The following SARNP variants were observed in gnomAD, a reference collection of about 807,000 sequenced individuals.
The protein encoded by SARNP is SAP domain containing ribonucleoprotein, also known as SAP domain-containing ribonucleoprotein.
Under a neutral mutation model 38.1 loss-of-function variants are expected in SARNP, and 5 were observed. The ratio of observed to expected loss-of-function variants is 0.13; its 90% confidence interval spans 0.07 to 0.28. The LOEUF (loss-of-function observed/expected upper bound fraction) is 0.28. SARNP is among the 10% of genes least tolerant of loss of function. The probability of loss-of-function intolerance (pLI) is 1.00; values close to 1 mark genes in which losing one functional copy is unlikely to be tolerated. For missense variants in SARNP, 180 were observed against 243.9 expected, an observed-to-expected ratio of 0.74 and a Z score of 1.75; for synonymous variants, 84 against 80.6, an observed-to-expected ratio of 1.04 and a Z score of -0.23.
chr12:55,807,769 G>A (rs1383019042), intron 1 of SARNP, among the ~76,000 whole-genome samples: 7 of 150,082 alleles, frequency 4.7e-5, no homozygotes, highest in South Asian at 2.1e-4. Context: ...AGCCGAGATC[G>A]TGCCACTGTA....
chr12:55,761,158 AGAGT>A (rs1401964646), intron 9 of SARNP, among the ~76,000 whole-genome samples: 3 of 152,194 alleles, frequency 2.0e-5, no homozygotes, highest in Non-Finnish European at 2.9e-5. Context: ...CCTGGGTGAC[AGAGT>A]GAGACTCTGT....
chr12:55,800,436 A>T (rs1016285236), intron 4 of SARNP, 126 bp downstream of exon 4: 53 of 671,176 alleles, frequency 7.9e-5, no homozygotes, highest in Middle Eastern at 5.7e-4. Context: ...AAAAAACAAA[A>T]AAATGACCTA....
At chr12:55,753,770 C>CAAAAAAA (rs35350773), downstream of SARNP, 3 of 51,118 alleles carry the variant, frequency 5.9e-5, no homozygotes, top group African/African-American at 2.6e-4. Flanking sequence ...CTCCCATCTC[C>CAAAAAAA]AAAAAAAAAA....
chr12:55,755,303 C>T (rs895949089), downstream of SARNP: 1 of 148,712 alleles, frequency 6.7e-6, no homozygotes, highest in African/African-American at 2.5e-5. Context: ...CCTCTATCTT[C>T]AGCAGTTCTT....
intron 1 of SARNP, 150 bp downstream of exon 1, chr12:55,817,516 T>C (rs1045234059): frequency 3.0e-6 from 2 of 662,042 alleles, no homozygotes; most frequent in Non-Finnish European, 5.3e-6. Context: ...GAAGGCGTAG[T>C]GTGGAAGGGT....
intron 9 of SARNP, among the ~76,000 whole-genome samples, chr12:55,771,412 A>C (rs1436774336): frequency 6.6e-6 from 1 of 152,210 alleles, no homozygotes; most frequent in African/African-American, 2.4e-5. Context: ...TTCAAATAAG[A>C]AACATCGTTA....
intron 4 of SARNP, among the ~76,000 whole-genome samples, chr12:55,800,006 A>G (rs949008380): frequency 2.6e-5 from 4 of 151,886 alleles, no homozygotes; most frequent in African/African-American, 9.7e-5. Context: ...CCTGGCCAAC[A>G]TGGTAAAACC....
intron 9 of SARNP, among the ~76,000 whole-genome samples, chr12:55,786,984 C>T (rs1879514854): frequency 1.3e-5 from 2 of 151,908 alleles, no homozygotes; most frequent in Non-Finnish European, 2.9e-5. Flanking sequence ...TAGTCCGGCA[C>T]TTTGGGAGGC....
chr12:55,796,291 GC>G (rs745324044), intron 4 of SARNP, among the ~76,000 whole-genome samples: 1 of 152,128 alleles, frequency 6.6e-6, no homozygotes, highest in Non-Finnish European at 1.5e-5. Flanking sequence ...AGCTTCTTTA[GC>G]TAAAGTATAA....
chr12:55,810,800 G>A (rs1880304297), intron 1 of SARNP, among the ~76,000 whole-genome samples: 1 of 151,860 alleles, frequency 6.6e-6, no homozygotes, highest in Non-Finnish European at 1.5e-5. Flanking sequence ...ACGTTGGCCA[G>A]GCGCGGTGGC....
intron 1 of SARNP, among the ~76,000 whole-genome samples, chr12:55,807,337 G>A (rs569583207): frequency 1.3e-5 from 2 of 152,128 alleles, no homozygotes; most frequent in Admixed American, 6.5e-5. Context: ...TGTGAACCAC[G>A]CCTTAAGTAA....
intron 9 of SARNP, among the ~76,000 whole-genome samples, chr12:55,778,442 G>T (rs1242527027): frequency 2.0e-5 from 3 of 152,084 alleles, no homozygotes; most frequent in Non-Finnish European, 4.4e-5. Flanking sequence ...CCACTGTGCT[G>T]ACCTGTTTCC....
chr12:55,782,730 GCATGTGCCAC>G (rs1212186279), intron 9 of SARNP, among the ~76,000 whole-genome samples: 1 of 152,056 alleles, frequency 6.6e-6, no homozygotes, highest in Non-Finnish European at 1.5e-5. Context: ...GGGACCACAG[GCATGTGCCAC>G]ACTGCACCTG....
At chr12:55,811,083 A>C (rs1039829212) in intron 1 of SARNP, among the ~76,000 whole-genome samples, 7 of 164 alleles carry the variant, frequency 0.043, no homozygotes, top group Admixed American at 0.17. Context: ...CTCCATCCCA[A>C]AAAAAAAAAA....
At chr12:55,774,775 C>A (rs930304279) in intron 9 of SARNP, among the ~76,000 whole-genome samples, 2 of 150,776 alleles carry the variant, frequency 1.3e-5, no homozygotes, top group African/African-American at 4.9e-5. Context: ...TCAAGTATTT[C>A]AAATATAATC....
intron 1 of SARNP, 87 bp downstream of exon 1, chr12:55,817,579 G>A (rs1880534354): frequency 2.3e-6 from 3 of 1,283,218 alleles, no homozygotes; most frequent in African/African-American, 3.0e-5. Context: ...AAGGCTGCAC[G>A]GAGAAGACGT....
chr12:55,806,937 T>C (rs1880163210), intron 1 of SARNP, among the ~76,000 whole-genome samples: 1 of 152,102 alleles, frequency 6.6e-6, no homozygotes, highest in African/African-American at 2.4e-5. Context: ...GATTTGAGAG[T>C]TTCACAAATC....
At chr12:55,779,925 T>A (rs1430989158) in intron 9 of SARNP, among the ~76,000 whole-genome samples, 2 of 152,042 alleles carry the variant, frequency 1.3e-5, no homozygotes, top group Non-Finnish European at 2.9e-5. Flanking sequence ...GGCGGGAGGA[T>A]CACTTGAGCC....
At chr12:55,806,760 G>A (rs1032510232) in intron 1 of SARNP, among the ~76,000 whole-genome samples, 5 of 151,906 alleles carry the variant, frequency 3.3e-5, no homozygotes, top group South Asian at 2.1e-4. Flanking sequence ...GGCTGGTCTC[G>A]AACTCCTGAC....
Sources: gnomAD v4.1 joint callset for allele counts (sites outside exome capture counted in the v4.1 genomes callset) on GRCh38, gnomAD v4.1.1 for gene constraint, MANE v1.5 for transcripts, NCBI Gene and HGNC (gene_info 2026-07-23, HGNC 2026-07-21) for gene names.